ANKFY1: variants seen among roughly 807,000 people sequenced by gnomAD.
ANKFY1 encodes the protein ankyrin repeat and FYVE domain containing 1, also known as ankyrin repeat and FYVE domain-containing protein 1.
In ANKFY1, 47 loss-of-function variants were observed where a neutral mutation model predicts 128.3. The ratio of observed to expected loss-of-function variants is 0.37; its 90% CI spans 0.29 to 0.47. The LOEUF is 0.47. ANKFY1 is among the 20% of genes least tolerant of loss of function. The pLI is 1.00. For missense variants in ANKFY1, 1,222 were observed against 1,510.6 expected (o/e 0.81, Z 3.17); for synonymous variants, 553 against 601.6 (o/e 0.92, Z 1.18).
At chr17:4,172,403 C>T (rs72829328) in intron 22 of ANKFY1, among the ~76,000 whole-genome samples, 153 bp downstream of exon 22, 1 of 152,284 alleles carries the variant, frequency 6.6e-6, no homozygotes, top group Non-Finnish European at 1.5e-5. Context: ...CCCCAGACTC[C>T]ACAACAGGGC....
At chr17:4,256,467 G>T (rs1968132768) in intron 1 of ANKFY1, among the ~76,000 whole-genome samples, 1 of 151,976 alleles carries the variant, frequency 6.6e-6, no homozygotes, top group Admixed American at 6.6e-5. Flanking sequence ...TACTGTGCAG[G>T]GTTCTCCAGG....
Position 4,217,128 on chromosome 17 carries a change from G to T in ANKFY1, c.323-10C>A. 1 of 1,606,010 alleles carries T rather than the reference G, an allele frequency of 6.2e-7. No homozygotes were observed. The highest frequency in any genetic ancestry group is 8.5e-7 in the Non-Finnish European group (1 of 1,174,578). On this transcript the variant is annotated splice_polypyrimidine_tract_variant and intron_variant, in intron 3 of 24. Transcript: ENST00000341657. Reference sequence around the variant, plus strand: ...ACCTCAGGATTAGCATCTGGTTAAAGAAAGAGAGAACAACTGAAAAAGCAT... The same window carrying T: ...ACCTCAGGATTAGCATCTGGTTAAATAAAGAGAGAACAACTGAAAAAGCAT...
chr17:4,183,593 C>T (rs746789692), intron 13 of ANKFY1, 42 bp from the exon 14 acceptor site: 29 of 1,601,606 alleles, frequency 1.8e-5, no homozygotes, highest in Admixed American at 1.5e-4. Flanking sequence ...CGGCTTTTCC[C>T]GCTTCCTCAA....
intron 7 of ANKFY1, among the ~76,000 whole-genome samples, chr17:4,202,873 T>C (rs1183881248): frequency 6.6e-6 from 1 of 151,212 alleles, no homozygotes; most frequent in Non-Finnish European, 1.5e-5. Flanking sequence ...AAAAAAAAAT[T>C]TTATATCTTA....
Position 4,183,487 on chromosome 17 carries a change from A to T in ANKFY1, c.1863T>A (p.Asp621Glu). 6.2e-7 allele frequency: 1 copy of T among 1,613,464 alleles called. No individual in the cohort carries two copies. Among genetic ancestry groups the T allele is most frequent in the Non-Finnish European group, 8.5e-7 (1 of 1,180,028 alleles). The change falls in exon 14 of 25, where the codon GAT becomes GAA. Residue 621 changes from aspartate to glutamate, a missense_variant. Physicochemically the swap from Asp to Glu is conservative, Grantham distance 45. Transcript: ENST00000341657. ...TGGCCATGTGCAGTAGCGTCTGCCC[A>T]TCCGACATGGTGTCATTGATGGCGG... is the stretch of plus-strand genomic sequence containing the variant. The part of the protein sequence containing the change: ...SGAAINDTMS[D>E]GQTLLHMAIQ...
intron 19 of ANKFY1, among the ~76,000 whole-genome samples, chr17:4,174,346 T>C (rs564310910): frequency 9.9e-5 from 15 of 152,162 alleles, no homozygotes; most frequent in Non-Finnish European, 1.9e-4. Context: ...AGGACTGCAG[T>C]GATGGCCGCT....
chr17:4,242,088 C>CAAAAAAAAAAAA (rs34447049), intron 2 of ANKFY1, among the ~76,000 whole-genome samples, 168 bp downstream of exon 2: 1 of 132,398 alleles, frequency 7.6e-6, no homozygotes. Flanking sequence ...GACTCCAACT[C>CAAAAAAAAAAAA]AAAAAAAAAA....
rs776121056 is a variant in ANKFY1, at chr17:4,170,707, C to A, written c.3286+8G>T. 51 of 1,603,806 alleles carry A rather than the reference C, an allele frequency of 3.2e-5. No individual in the cohort carries two copies. In the South Asian group the frequency reaches 5.3e-4, roughly 17 times the overall value. On this transcript the variant is annotated splice_region_variant and intron_variant, in intron 23 of 24. Coordinates refer to ENST00000341657, the MANE Select transcript of ANKFY1 (RefSeq NM_001330063.2). ...TTGCACTGTGAGAGCAGAGAGCGGG[C>A]CACTCACCCAGCAGTCGGAACAGGA...
At chr17:4,241,426 CCCA>C (rs1427099600) in intron 2 of ANKFY1, among the ~76,000 whole-genome samples, 2 of 151,876 alleles carry the variant, frequency 1.3e-5, no homozygotes, top group African/African-American at 4.8e-5. Context: ...ACTACAGGTG[CCCA>C]CCACCATGCG....
chr17:4,217,063 C>T lies in ANKFY1; in HGVS notation c.378G>A (p.Leu126=). The change falls in exon 4 of 25, where the codon CTG becomes CTA. Residue 126 remains leucine (L), a synonymous_variant. Transcript: ENST00000341657. ...TMLRWIYTDE[L]EFREDDVFLT... is the part of the protein sequence containing the mutation. ...GGAACACATCATCCTCTCTGAACTCCAGCTCATCTGTATAGATCCAGCGAA... is the reference window on the plus strand; with the variant it reads ...GGAACACATCATCCTCTCTGAACTCTAGCTCATCTGTATAGATCCAGCGAA... 6.2e-7 allele frequency: 1 copy of T among 1,614,004 alleles called. No individual in the cohort carries two copies. The highest frequency in any genetic ancestry group is 8.5e-7 in the Non-Finnish European group (1 of 1,180,014).
chr17:4,192,391 C>A, intron 10 of ANKFY1, among the ~76,000 whole-genome samples: 1 of 133,482 alleles, frequency 7.5e-6, no homozygotes, highest in Admixed American at 7.5e-5. Flanking sequence ...TAGTTGATGG[C>A]TGCTCTAATC....
At position 4,197,549 on chromosome 17, in the gene ANKFY1, A is replaced by G; in HGVS notation, c.927T>C (p.Ile309=). ...RGDLFAATFL[I]KNGAFVNAAT... is the part of the protein sequence containing the mutation. Reference sequence around the variant, plus strand: ...CAGCGTTGACAAAGGCCCCATTCTTAATGAGGAAAGTGGCAGCAAAGAGAT... The same window carrying G: ...CAGCGTTGACAAAGGCCCCATTCTTGATGAGGAAAGTGGCAGCAAAGAGAT... The change falls in exon 8 of 25, where the codon ATT becomes ATC. Residue 309 remains isoleucine, a synonymous_variant. Coordinates refer to ENST00000341657, the MANE Select transcript of ANKFY1 (RefSeq NM_001330063.2). The G allele has an allele frequency of 6.2e-7, 1 of 1,614,190 alleles. No individual in the cohort carries two copies. The highest frequency in any genetic ancestry group is 8.5e-7 in the Non-Finnish European group (1 of 1,180,030).
At chr17:4,202,569 C>T (rs1329345329) in intron 7 of ANKFY1, among the ~76,000 whole-genome samples, 39 of 122,682 alleles carry the variant, frequency 3.2e-4, no homozygotes, top group Middle Eastern at 6.2e-3. Flanking sequence ...TGGTGGCGCG[C>T]GCCTGTAGTC....
At chr17:4,209,632 G>A (rs545311011) in intron 5 of ANKFY1, among the ~76,000 whole-genome samples, 192 bp downstream of exon 5, 99 of 152,284 alleles carry the variant, frequency 6.5e-4, no homozygotes, top group African/African-American at 2.2e-3. Flanking sequence ...CTTTGGCTCC[G>A]AAATCACAGA....
Position 4,181,326 on chromosome 17 carries a change from C to T in ANKFY1, c.2168G>A (p.Gly723Glu), listed in dbSNP as rs1309798017. The T allele has an allele frequency of 1.2e-6, 2 of 1,614,180 alleles. No homozygotes were observed. Among genetic ancestry groups the T allele is most frequent in the Non-Finnish European group, 1.7e-6 (2 of 1,180,030 alleles). The change falls in exon 16 of 25, where the codon GGG (glycine) becomes GAG (glutamate). Residue 723 changes from glycine to glutamate, a missense_variant. Gly to Glu is a moderately conservative substitution (Grantham distance 98, BLOSUM62 -2). Transcript: ENST00000341657. The surrounding 1 kb of genome is among the most constrained non-coding windows in gnomAD (Gnocchi z 4.9). ...TCTGTGCAGGAGCGTCTGAAGGCAC[C>T]CACCAGGTCCCGGACCCCAGCATGT... is the stretch of plus-strand genomic sequence containing the variant. ...DATCWGPGPG[G>E]CLQTLLHRAI... is the part of the protein sequence containing the mutation.
At chr17:4,235,542 A>G (rs1478467899) in intron 3 of ANKFY1, among the ~76,000 whole-genome samples, 4 of 152,156 alleles carry the variant, frequency 2.6e-5, no homozygotes, top group Non-Finnish European at 4.4e-5. Context: ...AGATACTCAA[A>G]TATTTACGAT....
At chr17:4,226,999 A>G (rs1233920886) in intron 3 of ANKFY1, among the ~76,000 whole-genome samples, 1 of 152,162 alleles carries the variant, frequency 6.6e-6, no homozygotes, top group Non-Finnish European at 1.5e-5. Context: ...TCTGAAAAAC[A>G]AAACTTCCCA....
At position 4,195,450 on chromosome 17, in the gene ANKFY1, G is replaced by A. The variant is rs1375797142; in HGVS notation, c.1125C>T (p.Ile375=). ...SKGRTPLHVS[I]MAGNEYVFSQ... ...TGAACACATATTCATTCCCGGCCAT[G>A]ATGGACACATGTAAAGGAGTCCTGC... is the stretch of plus-strand genomic sequence containing the variant. Residue 375 remains isoleucine, a synonymous_variant, in exon 9 of 25, where the codon ATC becomes ATT. Coordinates refer to ENST00000341657, the MANE Select transcript of ANKFY1 (RefSeq NM_001330063.2). 3 of 1,613,994 alleles carry A rather than the reference G, an allele frequency of 1.9e-6. No homozygotes were observed. The highest frequency in any genetic ancestry group is 2.5e-6 in the Non-Finnish European group (3 of 1,180,032).
chr17:4,202,981 C>CATATATATATATATATATATATAT (rs56774221), intron 7 of ANKFY1, among the ~76,000 whole-genome samples: 7 of 146,232 alleles, frequency 4.8e-5, no homozygotes, highest in African/African-American at 1.8e-4. Flanking sequence ...TAATCATACA[C>CATATATATATATATATATATATAT]ATATATATAT....
Sources: allele counts gnomAD v4.1 joint callset (sites outside exome capture counted in the v4.1 genomes callset), GRCh38; gene constraint gnomAD v4.1.1; non-coding constraint Gnocchi (gnomAD v3.1); transcripts MANE v1.5; gene names NCBI Gene and HGNC (gene_info 2026-07-23, HGNC 2026-07-21).